The following GXYLT2 variants were observed in gnomAD, a reference collection of about 807,000 sequenced individuals.
GXYLT2 encodes glycosyltransferase 8 domain containing 4.
Under a neutral mutation model 45.8 loss-of-function variants are expected in GXYLT2, and 53 were observed. The observed-to-expected ratio is 1.16, with a 90% CI of 0.93 to 1.46. The LOEUF (loss-of-function observed/expected upper bound fraction) is 1.46. Ranked by LOEUF, GXYLT2 falls within the 40% of genes most tolerant of loss-of-function variation. The probability of loss-of-function intolerance (pLI) is 0.00; values close to 1 mark genes in which losing one functional copy is unlikely to be tolerated. For missense variants in GXYLT2, 551 were observed against 544.4 expected, an observed-to-expected ratio of 1.01 and a Z score of -0.12; for synonymous variants, 219 against 214.2, an observed-to-expected ratio of 1.02 and a Z score of -0.19.
intron 2 of GXYLT2, among the ~76,000 whole-genome samples, chr3:72,912,822 C>T (rs1278356687): frequency 6.6e-6 from 1 of 152,156 alleles, no homozygotes; most frequent in Non-Finnish European, 1.5e-5. Context: ...GTCTGAATTC[C>T]TGATCCATGA....
At chr3:72,949,475 A>G (rs919201082) in intron 3 of GXYLT2, among the ~76,000 whole-genome samples, 1 of 147,156 alleles carries the variant, frequency 6.8e-6, no homozygotes, top group African/African-American at 2.5e-5. Flanking sequence ...GTGAACAGGG[A>G]ATATGTATCA....
At position 72,955,229 on chromosome 3, in the gene GXYLT2, C is replaced by A. The variant is rs372388479; in HGVS notation, c.732C>A (p.His244Gln). The change falls in exon 4 of 7, where the codon CAC (histidine) becomes CAA (glutamine). Residue 244 changes from histidine to glutamine, a missense_variant. His to Gln is a conservative substitution (Grantham distance 24). Transcript: ENST00000389617. ...STQLAAMAPE[H>Q]EIPKIGWYSR... Reference sequence around the variant, plus strand: ...AGCTTGCAGCCATGGCCCCTGAGCACGAAATCCCCAAGATTGGCTGGTACA... The same window carrying A: ...AGCTTGCAGCCATGGCCCCTGAGCAAGAAATCCCCAAGATTGGCTGGTACA... 2 of 1,613,898 alleles carry A rather than the reference C, an allele frequency of 1.2e-6. No homozygotes were observed. Among genetic ancestry groups the A allele is most frequent in the Non-Finnish European group, 1.7e-6 (2 of 1,179,906 alleles).
At chr3:72,921,708 C>A (rs1269985398) in intron 2 of GXYLT2, among the ~76,000 whole-genome samples, 2 of 152,176 alleles carry the variant, frequency 1.3e-5, no homozygotes, top group African/African-American at 4.8e-5. Context: ...GGATTACAGG[C>A]ATGAGCCACC....
At position 72,920,665 on chromosome 3, in the gene GXYLT2, C is replaced by CA. The variant is rs927387769; in HGVS notation, c.469-1538dup. On this transcript the variant is annotated intron_variant, in intron 2 of 6. Coordinates refer to ENST00000389617, the MANE Select transcript of GXYLT2 (RefSeq NM_001080393.2). ...ATATGCAAAGAAAGTAATATATACT[C>CA]ATTGTAAAAATTCTAAAGAATATGG... 1.8e-4 allele frequency among the ~76,000 whole-genome samples: 27 copies of CA among 152,074 alleles called. 1 individual carries two copies. Among genetic ancestry groups the CA allele is most frequent in the African/African-American group, 6.5e-4 (27 of 41,496 alleles).
At chr3:72,918,193 ATAT>A (rs991261832) in intron 2 of GXYLT2, among the ~76,000 whole-genome samples, 85 of 152,310 alleles carry the variant, frequency 5.6e-4, no homozygotes, top group African/African-American at 1.9e-3. Flanking sequence ...TTGTCACAAA[ATAT>A]TATTCTTGTT....
intron 2 of GXYLT2, among the ~76,000 whole-genome samples, chr3:72,911,932 T>A (rs941095626): frequency 3.5e-4 from 52 of 148,172 alleles, no homozygotes; most frequent in Non-Finnish European, 6.8e-4. Context: ...TATATATACT[T>A]AAATGTATAT....
chr3:72,948,512 A>G (rs1217697640), intron 3 of GXYLT2, among the ~76,000 whole-genome samples: 1 of 152,190 alleles, frequency 6.6e-6, no homozygotes, highest in Non-Finnish European at 1.5e-5. Flanking sequence ...CTTGTACAGA[A>G]CTGATGGGTT....
At chr3:72,944,950 A>G (rs929698750) in intron 3 of GXYLT2, among the ~76,000 whole-genome samples, 4 of 152,102 alleles carry the variant, frequency 2.6e-5, no homozygotes, top group African/African-American at 4.8e-5. Context: ...GTGATTGGCA[A>G]TGCAGTGGTT....
At chr3:72,944,479 T>C (rs1710365478) in intron 3 of GXYLT2, among the ~76,000 whole-genome samples, 3 of 152,100 alleles carry the variant, frequency 2.0e-5, no homozygotes, top group Admixed American at 6.6e-5. Flanking sequence ...GGTCTTGAAC[T>C]CCTGACCTCG....
At chr3:72,937,202 G>T (rs1199209647) in intron 3 of GXYLT2, among the ~76,000 whole-genome samples, 1 of 151,992 alleles carries the variant, frequency 6.6e-6, no homozygotes, top group Non-Finnish European at 1.5e-5. Flanking sequence ...ATTATTATCA[G>T]CTTTTTTTTA....
rs762970743 is a variant in GXYLT2 at position 72,955,262 on chromosome 3, T to G, written c.765T>G (p.Phe255Leu). The part of the protein sequence containing the change: ...EIPKIGWYSR[F>L]ARHPFYGSAG... ...CCAAGATTGGCTGGTACAGCCGCTT[T>G]GCTAGGCATCCTTTCTATGGCTCTG... Residue 255 changes from phenylalanine to leucine, a missense_variant, in exon 4 of 7, where the codon TTT becomes TTG. Transcript: ENST00000389617. 23 of 1,614,060 alleles carry G rather than the reference T, an allele frequency of 1.4e-5. No homozygotes were observed. The highest frequency in any genetic ancestry group is 1.9e-5 in the Non-Finnish European group (23 of 1,179,902).
At chr3:72,893,763 G>A (rs568790066) in intron 1 of GXYLT2, among the ~76,000 whole-genome samples, 1 of 152,192 alleles carries the variant, frequency 6.6e-6, no homozygotes, top group East Asian at 1.9e-4. Context: ...GAAGAATAGT[G>A]AGGGTCTTTA....
chr3:72,968,685 G>A (rs969699294), intron 6 of GXYLT2, among the ~76,000 whole-genome samples: 1 of 151,964 alleles, frequency 6.6e-6, no homozygotes, highest in African/African-American at 2.4e-5. Flanking sequence ...CCCAGCACTT[G>A]GGGAGGCCAA....
chr3:72,914,312 A>G (rs1458440314), intron 2 of GXYLT2, among the ~76,000 whole-genome samples: 1 of 152,062 alleles, frequency 6.6e-6, no homozygotes, highest in African/African-American at 2.4e-5. Flanking sequence ...TCATCTCCCA[A>G]CAGAGAAGTG....
chr3:72,915,956 T>G (rs1304067507), intron 2 of GXYLT2, among the ~76,000 whole-genome samples: 1 of 152,006 alleles, frequency 6.6e-6, no homozygotes, highest in African/African-American at 2.4e-5. Flanking sequence ...ACTGTCCCTG[T>G]GTGGTCCTTG....
At chr3:72,970,819 G>T (rs529466282) in intron 6 of GXYLT2, among the ~76,000 whole-genome samples, 1 of 152,250 alleles carries the variant, frequency 6.6e-6, no homozygotes, top group East Asian at 1.9e-4. Flanking sequence ...CCAAGATCAT[G>T]CCATTGCACT....
intron 5 of GXYLT2, among the ~76,000 whole-genome samples, chr3:72,959,557 A>T (rs530162292): frequency 6.6e-6 from 1 of 152,228 alleles, no homozygotes; most frequent in South Asian, 2.1e-4. Context: ...AACCAGGCCC[A>T]GCCTCTTAGT....
At chr3:72,970,153 C>T (rs1710959632) in intron 6 of GXYLT2, among the ~76,000 whole-genome samples, 1 of 152,004 alleles carries the variant, frequency 6.6e-6, no homozygotes, top group African/African-American at 2.4e-5. Context: ...GAATTCAAGA[C>T]CAGCCTGGCC....
At chr3:72,893,047 C>G (rs918315676) in intron 1 of GXYLT2, among the ~76,000 whole-genome samples, 4 of 152,206 alleles carry the variant, frequency 2.6e-5, no homozygotes, top group African/African-American at 9.7e-5. Context: ...TGTGGGTCCA[C>G]TCTAGCGCCC....
Sources: allele counts gnomAD v4.1 joint callset (sites outside exome capture counted in the v4.1 genomes callset), GRCh38; gene constraint gnomAD v4.1.1; transcripts MANE v1.5; gene names NCBI Gene and HGNC (gene_info 2026-07-23, HGNC 2026-07-21).